The following EEFSEC variants were observed in gnomAD, a reference collection of about 807,000 sequenced individuals.
EEFSEC encodes the protein eukaryotic elongation factor, selenocysteine-tRNA specific, also known as selenocysteine-specific elongation factor.
A neutral mutation model predicts 42.1 loss-of-function variants in EEFSEC; 43 were observed. The ratio of observed to expected loss-of-function variants is 1.02; its 90% CI spans 0.80 to 1.32. The LOEUF (loss-of-function observed/expected upper bound fraction) is 1.32. EEFSEC is among the 40% of genes most tolerant of loss of function. The pLI, the probability that EEFSEC is intolerant of heterozygous loss-of-function variation, is 0.00. For synonymous variants in EEFSEC, 354 were observed against 339.1 expected (o/e 1.04, Z -0.48); for missense variants, 745 against 803.6 (o/e 0.93, Z 0.88).
intron 1 of EEFSEC, among the ~76,000 whole-genome samples, chr3:128,171,006 C>T (rs2065290263): frequency 6.6e-6 from 1 of 152,192 alleles, no homozygotes; most frequent in Non-Finnish European, 1.5e-5. Context: ...TGTGTGTCCT[C>T]CTCTTCCTGA....
intron 4 of EEFSEC, among the ~76,000 whole-genome samples, chr3:128,316,469 A>G (rs918173151): frequency 1.3e-5 from 2 of 152,200 alleles, no homozygotes; most frequent in Admixed American, 6.5e-5. Context: ...GGTCCACAGA[A>G]GAGCGCTCCT....
chr3:128,353,716 C>A (rs566550120), intron 5 of EEFSEC, among the ~76,000 whole-genome samples: 32 of 152,334 alleles, frequency 2.1e-4, no homozygotes, highest in African/African-American at 6.7e-4. Context: ...GCCCTTCCTG[C>A]AGCAGGAAAA....
chr3:128,391,666 T>A (rs2067914694), intron 6 of EEFSEC, among the ~76,000 whole-genome samples: 3 of 152,234 alleles, frequency 2.0e-5, no homozygotes, highest in Admixed American at 2.0e-4. Flanking sequence ...CTGGCACCCG[T>A]TCCTATCAGG....
At chr3:128,397,358 G>C (rs1013009772) in intron 6 of EEFSEC, among the ~76,000 whole-genome samples, 2 of 152,224 alleles carry the variant, frequency 1.3e-5, no homozygotes, top group Non-Finnish European at 2.9e-5. Flanking sequence ...CTTCCCAGCT[G>C]TTGTGACCCC....
intron 5 of EEFSEC, among the ~76,000 whole-genome samples, chr3:128,349,214 T>C (rs1215858338): frequency 6.6e-6 from 1 of 151,900 alleles, no homozygotes; most frequent in African/African-American, 2.4e-5. Context: ...CCATCGAAGC[T>C]AGGCCCTTCA....
At chr3:128,169,524 C>T (rs890738067) in intron 1 of EEFSEC, among the ~76,000 whole-genome samples, 2 of 152,218 alleles carry the variant, frequency 1.3e-5, no homozygotes, top group African/African-American at 4.8e-5. Flanking sequence ...CTCACTATGG[C>T]TATCCTATTG....
At chr3:128,408,652 GTCTC>G (rs761372020), downstream of EEFSEC, 2 of 172,678 alleles carry the variant, frequency 1.2e-5, no homozygotes, top group Non-Finnish European at 2.4e-5. Context: ...CTCTACTGGT[GTCTC>G]TCTCTCTGTG....
intron 4 of EEFSEC, among the ~76,000 whole-genome samples, chr3:128,303,144 T>C (rs1421740139): frequency 6.6e-6 from 1 of 152,222 alleles, no homozygotes; most frequent in African/African-American, 2.4e-5. Context: ...ACTATTATTA[T>C]TTTGTAGAGA....
intron 5 of EEFSEC, among the ~76,000 whole-genome samples, chr3:128,343,213 C>A (rs1040230569): frequency 6.6e-6 from 1 of 152,218 alleles, no homozygotes; most frequent in Non-Finnish European, 1.5e-5. Flanking sequence ...GCCCACCCTC[C>A]GCTCCAGGTC....
At chr3:128,172,282 A>G (rs141131889) in intron 1 of EEFSEC, among the ~76,000 whole-genome samples, 2 of 152,350 alleles carry the variant, frequency 1.3e-5, no homozygotes, top group East Asian at 1.9e-4. Flanking sequence ...CATTAAGGAC[A>G]TAGTGATGGT....
chr3:128,250,902 T>C (rs1467628327), intron 2 of EEFSEC, among the ~76,000 whole-genome samples: 1 of 87,372 alleles, frequency 1.1e-5, no homozygotes, highest in African/African-American at 3.7e-5. Context: ...TCATCTTTAG[T>C]TTTTTTTGGT....
chr3:128,233,288 T>C (rs1369434786), intron 1 of EEFSEC, among the ~76,000 whole-genome samples: 7 of 152,246 alleles, frequency 4.6e-5, no homozygotes, highest in African/African-American at 1.4e-4. Flanking sequence ...GTTGTACTTA[T>C]GGTCATGTAA....
At chr3:128,292,022 C>G (rs984070674) in intron 4 of EEFSEC, among the ~76,000 whole-genome samples, 1 of 151,988 alleles carries the variant, frequency 6.6e-6, no homozygotes, top group African/African-American at 2.4e-5. Flanking sequence ...AATGCTTGTT[C>G]TGCTTCTATT....
downstream of EEFSEC, among the ~76,000 whole-genome samples, chr3:128,410,846 C>T (rs1002711473): frequency 3.8e-4 from 58 of 152,208 alleles, no homozygotes; most frequent in Non-Finnish European, 6.3e-4. Context: ...TCCACCCCAC[C>T]TCTCACCTCC....
intron 1 of EEFSEC, among the ~76,000 whole-genome samples, chr3:128,204,481 G>A (rs778528474): frequency 6.6e-6 from 1 of 152,078 alleles, no homozygotes; most frequent in Non-Finnish European, 1.5e-5. Context: ...GTAAGATTAG[G>A]TATTTCCCTC....
chr3:128,381,995 C>T (rs554611308), intron 6 of EEFSEC, among the ~76,000 whole-genome samples: 39 of 152,270 alleles, frequency 2.6e-4, no homozygotes, highest in South Asian at 6.2e-4. Context: ...TACCTCGGGA[C>T]GGGAGGAGAC....
At chr3:128,421,839 C>T in the EEFSEC span, among the ~76,000 whole-genome samples, 788 of 152,302 alleles carry the variant, frequency 5.2e-3, 9 homozygotes, top group African/African-American at 0.018. Context: ...GTCTCAGCCC[C>T]GGTTACCCTG....
chr3:128,396,081 C>G (rs2067978128), intron 6 of EEFSEC, among the ~76,000 whole-genome samples: 1 of 152,198 alleles, frequency 6.6e-6, no homozygotes, highest in South Asian at 2.1e-4. Flanking sequence ...GGACAGCCAC[C>G]ATTCCAACCA....
intron 1 of EEFSEC, among the ~76,000 whole-genome samples, chr3:128,188,183 C>T (rs891243980): frequency 2.6e-5 from 4 of 151,910 alleles, no homozygotes; most frequent in African/African-American, 9.7e-5. Context: ...GAAGGAAGGC[C>T]GAAACCCAAG....
Sources: gnomAD v4.1 joint callset for allele counts (sites outside exome capture counted in the v4.1 genomes callset) on GRCh38, gnomAD v4.1.1 for gene constraint, MANE v1.5 for transcripts, NCBI Gene and HGNC (gene_info 2026-07-23, HGNC 2026-07-21) for gene names.